The following NEB variants were observed in gnomAD, a reference collection of about 807,000 sequenced individuals.
The protein encoded by NEB is nebulin.
In NEB, 512 loss-of-function variants were observed where a neutral mutation model predicts 952.2. The ratio of observed to expected loss-of-function variants is 0.54; its 90% CI spans 0.50 to 0.58. NEB has a LOEUF of 0.58. Ranked by LOEUF, NEB falls within the 20% of genes least tolerant of loss-of-function variation. NEB has a pLI of 0.00. For missense variants in NEB, 8,428 were observed against 9,231.1 expected (o/e 0.91, Z 3.56); for synonymous variants, 2,900 against 3,149.8 (o/e 0.92, Z 2.66).
chr2:151,503,382 C>G lies in NEB; in HGVS notation c.23802G>C (p.Glu7934Asp), dbSNP rs367633538. 23 of 1,612,610 alleles carry G rather than the reference C, an allele frequency of 1.4e-5. No individual in the cohort carries two copies. The highest frequency in any genetic ancestry group is 4.0e-5 in the African/African-American group (3 of 74,900). Reference protein sequence around the residue: ...GIPTTVTPEIERVKRNQENFS... With the variant: ...GIPTTVTPEIDRVKRNQENFS... Reference sequence around the variant, plus strand: ...AGTTCTCTTGATTGCGTTTGACTCTCTCAATCTCTGGAGTCACAGTGGTTG... The same window carrying G: ...AGTTCTCTTGATTGCGTTTGACTCTGTCAATCTCTGGAGTCACAGTGGTTG... Residue 7934 changes from glutamate to aspartate, a missense_variant, in exon 166 of 182, where the codon GAG (glutamate) becomes GAC (aspartate). By Grantham distance (45) the Glu-to-Asp change is conservative (BLOSUM62 2). Transcript: ENST00000397345.
At chr2:151,489,711 T>A (rs1281529256) in intron 181 of NEB, among the ~76,000 whole-genome samples, 1 of 152,102 alleles carries the variant, frequency 6.6e-6, no homozygotes, top group Non-Finnish European at 1.5e-5. Context: ...TTTAAGATAG[T>A]AGGTGAGACC....
rs151119873 is a variant in NEB at position 151,565,908 on chromosome 2, T to C, written c.18157-88A>G. ...CAGGTTACAATTTTTTCAGAAGCTT[T>C]TAAAGGATTTCTCTCTAGTAGTTTT... On this transcript the variant is annotated intron_variant, in intron 114 of 181. Transcript: ENST00000397345. 81 of 803,908 alleles carry C rather than the reference T, an allele frequency of 1.0e-4. No individual in the cohort carries two copies. The African/African-American group carries it at 1.3e-3, about 13-fold the overall frequency. The allele number at this position is 803,908 out of a possible 1,614,324, so 49.8% of individuals were successfully genotyped here.
Position 151,627,748 on chromosome 2 carries a change from G to T in NEB, c.9918C>A (p.Ser3306=). 6.2e-7 allele frequency: 1 copy of T among 1,613,922 alleles called. No homozygotes were observed. Among genetic ancestry groups the T allele is most frequent in the Non-Finnish European group, 8.5e-7 (1 of 1,179,882 alleles). The change falls in exon 69 of 182, where the codon TCC becomes TCA. Residue 3306 remains serine (S), a synonymous_variant. Coordinates refer to ENST00000397345, the MANE Select transcript of NEB (RefSeq NM_001164508.2). ...CACTCTGGATCTTGGCCACATGCAT[G>T]GACCACATCATCTTGGGGTCATCTT... ...NIEDDPKMMW[S]MHVAKIQSDR... is the part of the protein sequence containing the mutation.
At position 151,650,219 on chromosome 2, in the gene NEB, A is replaced by G. The variant is rs556029291; in HGVS notation, c.7388T>C (p.Met2463Thr). 4 of 1,613,928 alleles carry G rather than the reference A, an allele frequency of 2.5e-6. No individual in the cohort carries two copies. The highest frequency in any genetic ancestry group is 2.2e-5 in the South Asian group (2 of 91,078). Residue 2463 changes from methionine to threonine, a missense_variant, in exon 54 of 182, where the codon ATG becomes ACG. Met to Thr is a moderately conservative substitution (Grantham distance 81). This residue lies in a region of NEB where 1,772 missense variants were observed against 1,960.3 expected (regional missense o/e 0.90). Transcript: ENST00000397345. ...ATTTGTCTTTGCCAGAACTATATCC[A>G]TGGCATCAGGAATGCTGGTGAACTT... is the stretch of plus-strand genomic sequence containing the variant. ...RNKFTSIPDA[M>T]DIVLAKTNAK...
chr2:151,633,205 TG>T (rs1435961837), intron 65 of NEB, among the ~76,000 whole-genome samples: 4 of 152,232 alleles, frequency 2.6e-5, no homozygotes, highest in Non-Finnish European at 5.9e-5. Context: ...TAAGAGGAAG[TG>T]TCTGTGAAAC....
At chr2:151,493,985 C>A in intron 174 of NEB, 118 bp from the exon 175 acceptor site, 1 of 908,404 alleles carries the variant, frequency 1.1e-6, no homozygotes, top group African/African-American at 1.7e-5. Context: ...GAACACCTCT[C>A]AAGAAGAAAG....
chr2:151,524,654 C>CTTTTTTTTT (rs5835371), intron 151 of NEB, 38 bp from the exon 152 acceptor site: 35 of 257,382 alleles, frequency 1.4e-4, no homozygotes, highest in South Asian at 3.9e-4. Flanking sequence ...AAGAGAGAGG[C>CTTTTTTTTT]TTTTTTTTTT....
intron 164 of NEB, 129 bp downstream of exon 164, chr2:151,506,037 G>T: frequency 1.2e-6 from 1 of 813,484 alleles, no homozygotes; most frequent in Non-Finnish European, 2.2e-6. Context: ...TGTGGTGGTG[G>T]TACACAGGCA....
chr2:151,595,299 G>A (rs1275288687), intron 92 of NEB, among the ~76,000 whole-genome samples: 1 of 149,528 alleles, frequency 6.7e-6, no homozygotes, highest in Non-Finnish European at 1.5e-5. Flanking sequence ...TGCCCAGGCT[G>A]GAACGCAATG....
chr2:151,503,388 C>G lies in NEB; in HGVS notation c.23796G>C (p.Glu7932Asp), dbSNP rs978270748. 1 of 1,612,892 alleles carries G rather than the reference C, an allele frequency of 6.2e-7. No homozygotes were observed. Among genetic ancestry groups the G allele is most frequent in the East Asian group, 2.2e-5 (1 of 44,840 alleles). The change falls in exon 166 of 182, where the codon GAG becomes GAC. Residue 7932 changes from glutamate to aspartate, a missense_variant. Glu to Asp is a conservative substitution (Grantham distance 45). This residue lies in a region of NEB where 3,374 missense variants were observed against 3,651.5 expected (regional missense o/e 0.92). Transcript: ENST00000397345. ...GTGIPTTVTP[E>D]IERVKRNQEN... ...CTTGATTGCGTTTGACTCTCTCAAT[C>G]TCTGGAGTCACAGTGGTTGGAATGC...
intron 107 of NEB, among the ~76,000 whole-genome samples, chr2:151,570,975 C>T (rs896441488): frequency 2.0e-5 from 3 of 152,118 alleles, no homozygotes; most frequent in Non-Finnish European, 4.4e-5. Context: ...AAGCATTTAT[C>T]ATGTCTGTGT....
intron 119 of NEB, 28 bp from the exon 120 acceptor site, chr2:151,562,836 A>C (rs2096154988): frequency 1.4e-6 from 2 of 1,464,282 alleles, no homozygotes; most frequent in Non-Finnish European, 1.9e-6. Flanking sequence ...CAAAAATAAG[A>C]AAGGGGTTTA....
At chr2:151,638,010 A>C in intron 63 of NEB, among the ~76,000 whole-genome samples, 1 of 152,324 alleles carries the variant, frequency 6.6e-6, no homozygotes, top group Non-Finnish European at 1.5e-5. Context: ...GAAATAACTA[A>C]CACATCAGCT....
At position 151,640,650 on chromosome 2, in the gene NEB, C is replaced by G; in HGVS notation, c.8390G>C (p.Gly2797Ala). 6.2e-7 allele frequency: 1 copy of G among 1,612,000 alleles called. No homozygotes were observed. The highest frequency in any genetic ancestry group is 8.5e-7 in the Non-Finnish European group (1 of 1,178,638). The change falls in exon 61 of 182, where the codon GGC (glycine) becomes GCC (alanine). Residue 2797 changes from glycine (G) to alanine (A), a missense_variant. By Grantham distance (60) the Gly-to-Ala change is moderately conservative. Transcript: ENST00000397345. Reference sequence around the variant, plus strand: ...GTGGTGGCCGAGCTGCTTACGATAGCCTTCTTTGTACTTGAACTAAAAGAA... The same window carrying G: ...GTGGTGGCCGAGCTGCTTACGATAGGCTTCTTTGTACTTGAACTAAAAGAA... ...DIASEFKYKE[G>A]YRKQLGHHIG...
chr2:151,705,132 T>C (rs1024013133), intron 13 of NEB, among the ~76,000 whole-genome samples: 11 of 152,268 alleles, frequency 7.2e-5, no homozygotes, highest in African/African-American at 2.2e-4. Flanking sequence ...CCTATACCTA[T>C]AAGAAATCTC....
chr2:151,630,755 T>C lies in NEB; in HGVS notation c.9683A>G (p.Glu3228Gly), dbSNP rs1298654289. Residue 3228 changes from glutamate (E) to glycine (G), a missense_variant, in exon 67 of 182, where the codon GAG becomes GGG. This residue lies in a region of NEB where 1,772 missense variants were observed against 1,960.3 expected (regional missense o/e 0.90). Transcript: ENST00000397345. ...TTTGTTCTGCCTTGCCAACATAATCTCTGGTGTATCAGGCATTATGTGAAT... is the reference window on the plus strand; with the variant it reads ...TTTGTTCTGCCTTGCCAACATAATCCCTGGTGTATCAGGCATTATGTGAAT... ...TQIHIMPDTP[E>G]IMLARQNKIN... 6.2e-7 allele frequency: 1 copy of C among 1,611,558 alleles called. No individual in the cohort carries two copies. The highest frequency in any genetic ancestry group is 1.3e-5 in the African/African-American group (1 of 74,920).
intron 169 of NEB, 140 bp downstream of exon 169, chr2:151,499,158 T>C (rs1454561754): frequency 1.2e-5 from 6 of 502,710 alleles, no homozygotes; most frequent in Middle Eastern, 5.3e-4. Flanking sequence ...AACTGATTCA[T>C]AGGAAATGGC....
At chr2:151,724,161 G>T in intron 8 of NEB, 99 bp downstream of exon 8, 1 of 937,914 alleles carries the variant, frequency 1.1e-6, no homozygotes, top group South Asian at 1.5e-5. Flanking sequence ...AAAGATTGGG[G>T]AATTGTATTC....
chr2:151,609,644 C>T (rs1365342070), intron 81 of NEB, among the ~76,000 whole-genome samples, 165 bp downstream of exon 81: 3 of 152,182 alleles, frequency 2.0e-5, no homozygotes, highest in African/African-American at 4.8e-5. Context: ...CCAGAAGTTA[C>T]TACTAAAGAT....
Sources: gnomAD v4.1 joint callset for allele counts (sites outside exome capture counted in the v4.1 genomes callset) on GRCh38, gnomAD v4.1.1 for gene constraint, gnomAD v4.1.1 regional missense constraint, MANE v1.5 for transcripts, NCBI Gene and HGNC (gene_info 2026-07-23, HGNC 2026-07-21) for gene names.